The following BCAS1 variants were observed in gnomAD, a reference collection of about 807,000 sequenced individuals.
BCAS1 encodes brain enriched myelin associated protein 1, also known as breast carcinoma-amplified sequence 1.
A neutral mutation model predicts 65.4 loss-of-function variants in BCAS1; 46 were observed. The ratio of observed to expected loss-of-function variants is 0.70; its 90% CI spans 0.55 to 0.90. The LOEUF (loss-of-function observed/expected upper bound fraction) is 0.90. Among genes scored for constraint, BCAS1 ranks in the 40% least tolerant of loss-of-function variants. The pLI is 0.00. For synonymous variants in BCAS1, 298 were observed against 293.5 expected, an observed-to-expected ratio of 1.02 and a Z score of -0.16; for missense variants, 793 against 771.2, an observed-to-expected ratio of 1.03 and a Z score of -0.33.
intron 12 of BCAS1, among the ~76,000 whole-genome samples, chr20:53,952,189 C>A (rs750535950): frequency 7.2e-5 from 11 of 152,184 alleles, no homozygotes; most frequent in Non-Finnish European, 1.5e-4. Context: ...CTTTATATAT[C>A]ATATTTTGGT....
At chr20:54,059,007 C>T (rs867911341) in intron 1 of BCAS1, among the ~76,000 whole-genome samples, 1 of 152,132 alleles carries the variant, frequency 6.6e-6, no homozygotes, top group African/African-American at 2.4e-5. Flanking sequence ...CCACAGGACA[C>T]CAGAAGAATG....
intron 4 of BCAS1, 195 bp downstream of exon 4, chr20:54,028,197 G>A (rs1189425313): frequency 1.6e-6 from 1 of 621,052 alleles, no homozygotes; most frequent in African/African-American, 1.8e-5. Flanking sequence ...AGCTGTTATT[G>A]TTCTTCACAC....
chr20:54,009,575 A>G (rs957195682), intron 4 of BCAS1, among the ~76,000 whole-genome samples: 1 of 152,234 alleles, frequency 6.6e-6, no homozygotes, highest in Non-Finnish European at 1.5e-5. Flanking sequence ...TGAATTCATA[A>G]TTTAAAAACT....
At chr20:53,994,940 AGG>A (rs1600813005) in intron 6 of BCAS1, 70 bp downstream of exon 6, 4 of 1,326,386 alleles carry the variant, frequency 3.0e-6, no homozygotes, top group African/African-American at 3.0e-5. Flanking sequence ...AAAAACAAGC[AGG>A]CAGACACAAA....
At chr20:54,049,414 G>C (rs1382539010) in intron 3 of BCAS1, among the ~76,000 whole-genome samples, 1 of 152,066 alleles carries the variant, frequency 6.6e-6, no homozygotes, top group Non-Finnish European at 1.5e-5. Context: ...TCATAAATTT[G>C]CTAGAAAGGA....
At chr20:54,068,750 C>T (rs1260560088) in intron 1 of BCAS1, among the ~76,000 whole-genome samples, 1 of 152,158 alleles carries the variant, frequency 6.6e-6, no homozygotes, top group Non-Finnish European at 1.5e-5. Context: ...GACTCAGGCA[C>T]TCAAATCCTG....
At chr20:54,070,083 C>T (rs145301447) in intron 1 of BCAS1, among the ~76,000 whole-genome samples, 214 of 152,252 alleles carry the variant, frequency 1.4e-3, no homozygotes, top group Admixed American at 4.4e-3. Context: ...CTGACGGATC[C>T]CCAAATCACA....
intron 4 of BCAS1, among the ~76,000 whole-genome samples, chr20:54,022,876 C>A (rs979464920): frequency 7.2e-5 from 11 of 152,222 alleles, no homozygotes; most frequent in African/African-American, 2.7e-4. Context: ...TCCACATCAC[C>A]TCTGCCACTG....
chr20:53,964,245 C>T (rs1378173602), intron 10 of BCAS1, among the ~76,000 whole-genome samples: 28 of 152,114 alleles, frequency 1.8e-4, no homozygotes, highest in Non-Finnish European at 1.5e-5. Context: ...AACTCAAATA[C>T]CCACAGGGAA....
intron 4 of BCAS1, among the ~76,000 whole-genome samples, chr20:54,004,674 A>G (rs1361333151): frequency 1.3e-5 from 2 of 152,216 alleles, no homozygotes; most frequent in Non-Finnish European, 2.9e-5. Context: ...GTTACATTAC[A>G]TACAAGCTGT....
At chr20:54,013,667 C>T (rs764317767) in intron 4 of BCAS1, among the ~76,000 whole-genome samples, 19 of 152,244 alleles carry the variant, frequency 1.2e-4, no homozygotes, top group East Asian at 5.8e-4. Flanking sequence ...AGGTTAATAG[C>T]GAAAGTCTGG....
intron 3 of BCAS1, among the ~76,000 whole-genome samples, chr20:54,037,341 T>C (rs1456455267): frequency 6.6e-6 from 1 of 151,354 alleles, no homozygotes; most frequent in African/African-American, 2.4e-5. Context: ...TCACTTACTT[T>C]TATGAGAACA....
intron 4 of BCAS1, among the ~76,000 whole-genome samples, chr20:54,002,046 T>C (rs2091068730): frequency 6.6e-6 from 1 of 151,964 alleles, no homozygotes; most frequent in Admixed American, 6.5e-5. Context: ...TTGGTTTTTT[T>C]TTTTTCCCCC....
intron 9 of BCAS1, among the ~76,000 whole-genome samples, chr20:53,968,837 C>T (rs1260945858): frequency 6.6e-6 from 1 of 152,152 alleles, no homozygotes; most frequent in African/African-American, 2.4e-5. Context: ...GCTGGATTGG[C>T]CAAACAAAAC....
At chr20:54,005,234 T>C (rs891181492) in intron 4 of BCAS1, among the ~76,000 whole-genome samples, 3 of 151,970 alleles carry the variant, frequency 2.0e-5, no homozygotes, top group Admixed American at 6.6e-5. Context: ...TGCAGGAGAA[T>C]TGCTTGAACA....
At chr20:53,950,347 C>T (rs1310750388) in intron 12 of BCAS1, among the ~76,000 whole-genome samples, 2 of 152,160 alleles carry the variant, frequency 1.3e-5, no homozygotes, top group African/African-American at 4.8e-5. Flanking sequence ...TTGCTCTCTT[C>T]CTGTCTGGCA....
At chr20:54,060,449 A>G (rs2092362375) in intron 1 of BCAS1, among the ~76,000 whole-genome samples, 1 of 151,588 alleles carries the variant, frequency 6.6e-6, no homozygotes, top group South Asian at 2.1e-4. Flanking sequence ...AGTAGCTGGG[A>G]TAACAGGTGC....
intron 10 of BCAS1, among the ~76,000 whole-genome samples, chr20:53,964,918 G>A (rs1158635362): frequency 7.2e-6 from 1 of 138,318 alleles, no homozygotes; most frequent in African/African-American, 2.6e-5. Context: ...TTTTTTTTCT[G>A]TACCTCTCAA....
At chr20:54,046,093 A>T (rs2092098968) in intron 3 of BCAS1, among the ~76,000 whole-genome samples, 1 of 152,238 alleles carries the variant, frequency 6.6e-6, no homozygotes, top group Admixed American at 6.5e-5. Flanking sequence ...ATTGGTATGT[A>T]TGTAAGTATA....
Sources: gnomAD v4.1 joint callset for allele counts (sites outside exome capture counted in the v4.1 genomes callset) on GRCh38, gnomAD v4.1.1 for gene constraint, MANE v1.5 for transcripts, NCBI Gene and HGNC (gene_info 2026-07-23, HGNC 2026-07-21) for gene names.